Variants in LRMDA observed in about 807,000 individuals in gnomAD.
LRMDA encodes the protein leucine rich melanocyte differentiation associated, also known as leucine-rich melanocyte differentiation-associated protein.
LRMDA carries 18 observed loss-of-function variants against 29.8 expected under a neutral mutation model. That is an observed-to-expected ratio of 0.60 (90% CI 0.42 to 0.90). The LOEUF (loss-of-function observed/expected upper bound fraction) is 0.90. Ranked by LOEUF, LRMDA falls within the 40% of genes least tolerant of loss-of-function variation. LRMDA has a pLI of 0.00. For synonymous variants in LRMDA, 125 were observed against 109.4 expected, an observed-to-expected ratio of 1.14 and a Z score of -0.89; for missense variants, 273 against 273.9, an observed-to-expected ratio of 1.00 and a Z score of 0.02.
intron 2 of LRMDA, among the ~76,000 whole-genome samples, chr10:75,694,520 G>C (rs999717320): frequency 1.3e-5 from 2 of 152,172 alleles, no homozygotes; most frequent in Non-Finnish European, 2.9e-5. Context: ...ATCAGATTAA[G>C]AGCAGCATGT....
At position 75,748,001 on chromosome 10, in the gene LRMDA, T is replaced by A. The variant is rs139351991; in HGVS notation, c.132-288007T>A. Among the ~76,000 whole-genome samples, 777 of 152,342 alleles carry A rather than the reference T, an allele frequency of 5.1e-3. 10 individuals carry two copies. The highest frequency in any genetic ancestry group is 0.018 in the African/African-American group (747 of 41,576). On this transcript the variant is annotated intron_variant, in intron 2 of 6. Coordinates refer to ENST00000611255, the MANE Select transcript of LRMDA (RefSeq NM_001305581.2). ...CCCACCCTCTGCTAGTCTAAATCCT[T>A]TCTGCACAGGCGACCATCTTCAAAT...
At chr10:76,059,402 T>C (rs1423328536) in intron 5 of LRMDA, among the ~76,000 whole-genome samples, 1 of 152,178 alleles carries the variant, frequency 6.6e-6, no homozygotes, top group African/African-American at 2.4e-5. Context: ...GCAGCTCTGA[T>C]GAGGCAGTGG....
At chr10:75,478,189 C>A (rs183084851) in intron 2 of LRMDA, among the ~76,000 whole-genome samples, 48 of 152,294 alleles carry the variant, frequency 3.2e-4, no homozygotes, top group African/African-American at 1.1e-3. Flanking sequence ...AGCTCTCCCC[C>A]AAGATTACAA....
chr10:76,084,237 A>T (rs375522555), intron 5 of LRMDA, among the ~76,000 whole-genome samples: 10 of 151,056 alleles, frequency 6.6e-5, no homozygotes, highest in African/African-American at 2.2e-4. Context: ...TTGCTCTGTC[A>T]CCCAGGCTGG....
intron 5 of LRMDA, among the ~76,000 whole-genome samples, chr10:76,146,645 C>G (rs758276136): frequency 6.6e-6 from 1 of 152,090 alleles, no homozygotes; most frequent in Non-Finnish European, 1.5e-5. Context: ...ATCCAATTTG[C>G]CAGTCTGTGT....
At chr10:76,065,098 A>AGTTT (rs1369362162) in intron 5 of LRMDA, among the ~76,000 whole-genome samples, 1 of 152,108 alleles carries the variant, frequency 6.6e-6, no homozygotes, top group Non-Finnish European at 1.5e-5. Context: ...AAACATTTGC[A>AGTTT]GTTTGTTTGT....
chr10:76,016,805 G>C (rs778800842), intron 2 of LRMDA, among the ~76,000 whole-genome samples: 5 of 152,194 alleles, frequency 3.3e-5, no homozygotes, highest in Non-Finnish European at 7.3e-5. Flanking sequence ...GGTTTAAGGA[G>C]GTTGGATTTG....
chr10:76,060,334 TGTA>T (rs895510195), intron 5 of LRMDA, among the ~76,000 whole-genome samples: 7 of 152,278 alleles, frequency 4.6e-5, no homozygotes, highest in Middle Eastern at 3.4e-3. Flanking sequence ...GGGTAATAAA[TGTA>T]GTACCCACCA....
chr10:75,876,690 C>T (rs990099833), intron 2 of LRMDA, among the ~76,000 whole-genome samples: 1 of 152,120 alleles, frequency 6.6e-6, no homozygotes, highest in South Asian at 2.1e-4. Flanking sequence ...GAAGTTCTCC[C>T]TTGGTTCTGA....
chr10:76,318,103 C>A (rs1281976587), intron 5 of LRMDA, among the ~76,000 whole-genome samples: 1 of 152,132 alleles, frequency 6.6e-6, no homozygotes, highest in South Asian at 2.1e-4. Context: ...TTTTTGTCTT[C>A]TGTTATATAA....
intron 6 of LRMDA, among the ~76,000 whole-genome samples, chr10:76,528,685 C>T (rs956794255): frequency 2.6e-5 from 4 of 152,120 alleles, no homozygotes; most frequent in African/African-American, 9.7e-5. Flanking sequence ...TCAGCTACAA[C>T]TAGCCCCAAA....
chr10:76,393,309 T>C (rs1841745352), intron 6 of LRMDA, among the ~76,000 whole-genome samples: 1 of 152,124 alleles, frequency 6.6e-6, no homozygotes. Flanking sequence ...GTTCCCTTTT[T>C]CCCACATCCT....
intron 2 of LRMDA, among the ~76,000 whole-genome samples, chr10:75,900,485 T>C (rs1845652029): frequency 6.6e-6 from 1 of 152,162 alleles, no homozygotes; most frequent in African/African-American, 2.4e-5. Flanking sequence ...TTAAAATAAA[T>C]TGCAGACCAT....
At position 75,854,725 on chromosome 10, in the gene LRMDA, C is replaced by T. The variant is rs188103556; in HGVS notation, c.132-181283C>T. ...TAATGCTATCCCTCCCCACTCCCCC[C>T]ACCCCACAACAGGCCCCAGTGTGTG... On this transcript the variant is annotated intron_variant, in intron 2 of 6. Transcript: ENST00000611255. 5.1e-3 allele frequency among the ~76,000 whole-genome samples: 782 copies of T among 152,022 alleles called. 11 individuals are homozygous for T. Among genetic ancestry groups the T allele is most frequent in the African/African-American group, 0.018 (748 of 41,446 alleles).
chr10:76,282,578 G>A (rs1024516963), intron 5 of LRMDA, among the ~76,000 whole-genome samples: 1 of 152,170 alleles, frequency 6.6e-6, no homozygotes, highest in Non-Finnish European at 1.5e-5. Flanking sequence ...CAATTTCATA[G>A]CACAAGTGTT....
At chr10:76,239,715 A>G (rs1346085785) in intron 5 of LRMDA, among the ~76,000 whole-genome samples, 1 of 151,828 alleles carries the variant, frequency 6.6e-6, no homozygotes, top group Non-Finnish European at 1.5e-5. Flanking sequence ...TTGTTCCTCT[A>G]TCCTCTGTAC....
At chr10:76,185,471 G>A (rs1272228438) in intron 5 of LRMDA, among the ~76,000 whole-genome samples, 3 of 152,128 alleles carry the variant, frequency 2.0e-5, no homozygotes, top group African/African-American at 7.2e-5. Context: ...CAAAGTGGTG[G>A]TTTGAAAATA....
chr10:75,901,149 A>G (rs1009482082), intron 2 of LRMDA, among the ~76,000 whole-genome samples: 1 of 152,172 alleles, frequency 6.6e-6, no homozygotes, highest in Admixed American at 6.5e-5. Context: ...GATTGTTTCT[A>G]TCTCTGTGTG....
chr10:76,223,662 A>G (rs1208759972), intron 5 of LRMDA, among the ~76,000 whole-genome samples: 1 of 142,574 alleles, frequency 7.0e-6, no homozygotes, highest in Non-Finnish European at 1.5e-5. Flanking sequence ...TGCAATGAGA[A>G]GTAGGCAGTG....
Sources: allele counts gnomAD v4.1 joint callset (sites outside exome capture counted in the v4.1 genomes callset), GRCh38; gene constraint gnomAD v4.1.1; transcripts MANE v1.5; gene names NCBI Gene and HGNC (gene_info 2026-07-23, HGNC 2026-07-21).